The following ABCD2 variants were observed in gnomAD, a reference collection of about 807,000 sequenced individuals.
The protein encoded by ABCD2 is ATP-binding cassette sub-family D member 2.
ABCD2 carries 36 observed loss-of-function variants against 70.9 expected under a neutral mutation model. The ratio of observed to expected loss-of-function variants is 0.51; its 90% CI spans 0.39 to 0.67. ABCD2 has a LOEUF of 0.67. Ranked by LOEUF, ABCD2 falls within the 30% of genes least tolerant of loss-of-function variation. ABCD2 has a pLI of 0.00. For synonymous variants in ABCD2, 304 were observed against 306.9 expected (o/e 0.99, Z 0.10); for missense variants, 729 against 890.2 (o/e 0.82, Z 2.30).
At chr12:39,548,006 T>C (rs1490350509), downstream of ABCD2, among the ~76,000 whole-genome samples, 3 of 152,056 alleles carry the variant, frequency 2.0e-5, no homozygotes, top group East Asian at 3.9e-4. Context: ...AACTTTGCCA[T>C]TGTGTGGAAG....
the ABCD2 span, among the ~76,000 whole-genome samples, chr12:39,542,159 TAAAG>T: frequency 6.6e-6 from 1 of 152,116 alleles, no homozygotes; most frequent in African/African-American, 2.4e-5. Flanking sequence ...TTTAAAATAT[TAAAG>T]AAATTTTAAA....
intron 9 of ABCD2, among the ~76,000 whole-genome samples, chr12:39,562,890 T>C (rs1366647508): frequency 6.6e-6 from 1 of 152,152 alleles, no homozygotes; most frequent in Non-Finnish European, 1.5e-5. Flanking sequence ...ATATCCCTGA[T>C]GAACATAGGT....
intron 2 of ABCD2, among the ~76,000 whole-genome samples, chr12:39,612,144 A>G (rs1215105700): frequency 6.6e-6 from 1 of 152,182 alleles, no homozygotes; most frequent in African/African-American, 2.4e-5. Context: ...AAATTGAAAG[A>G]ACTTTTTTTG....
intron 9 of ABCD2, among the ~76,000 whole-genome samples, chr12:39,559,703 C>T (rs1941225224): frequency 6.6e-6 from 1 of 151,964 alleles, no homozygotes; most frequent in Non-Finnish European, 1.5e-5. Context: ...CCTCACAGGC[C>T]AGGAGAGAAT....
In ABCD2 at chr12:39,571,211, C is replaced by T. The variant is rs116885195; in HGVS notation, c.2003+2505G>A. On this transcript the variant is annotated intron_variant, in intron 9 of 9. Transcript: ENST00000308666. The stretch of plus-strand genomic sequence containing the variant: ...GAACTACAAAATGATCCAGCAATCC[C>T]CCACTGGGAATATATGCAAAGGAAA... Among the ~76,000 whole-genome samples, 3 of 152,234 alleles carry T rather than the reference C, an allele frequency of 2.0e-5. No homozygotes were observed. The East Asian group carries it at 5.8e-4, about 29-fold the overall frequency.
rs761513826 is a variant in ABCD2 at position 39,573,679 on chromosome 12, A to G, written c.2003+37T>C. The G allele has an allele frequency of 1.9e-6, 3 of 1,581,884 alleles. No individual in the cohort carries two copies. The African/African-American group carries it at 4.1e-5, about 21-fold the overall frequency. On this transcript the variant is annotated intron_variant, in intron 9 of 9. Coordinates refer to ENST00000308666, the MANE Select transcript of ABCD2 (RefSeq NM_005164.4). Reference sequence around the variant, plus strand: ...GTTATTTTTTGAGAAATTTAAGGAAAAACCATCTACCACAAATTAGCACTA... The same window carrying G: ...GTTATTTTTTGAGAAATTTAAGGAAGAACCATCTACCACAAATTAGCACTA...
intron 6 of ABCD2, among the ~76,000 whole-genome samples, chr12:39,596,724 A>G (rs1317738773): frequency 6.6e-6 from 1 of 152,148 alleles, no homozygotes; most frequent in African/African-American, 2.4e-5. Context: ...TACGATTAAA[A>G]TTTCTTTTTC....
At chr12:39,544,977 T>G in the ABCD2 span, among the ~76,000 whole-genome samples, 3 of 152,328 alleles carry the variant, frequency 2.0e-5, no homozygotes, top group Admixed American at 6.5e-5. Context: ...AAGCATTAGT[T>G]TGGGGACTTC....
intron 7 of ABCD2, among the ~76,000 whole-genome samples, chr12:39,585,187 T>A (rs945451156): frequency 3.9e-5 from 6 of 152,210 alleles, no homozygotes; most frequent in Non-Finnish European, 8.8e-5. Context: ...CTTCTCTGAT[T>A]TCTTTGAGCA....
chr12:39,539,954 A>G, the ABCD2 span: 1 of 152,420 alleles, frequency 6.6e-6, no homozygotes, highest in African/African-American at 2.4e-5. Flanking sequence ...GATTAAGTGG[A>G]AGAGTGATGA....
At chr12:39,539,759 G>C in the ABCD2 span, 3 of 156,066 alleles carry the variant, frequency 1.9e-5, no homozygotes, top group Non-Finnish European at 4.3e-5. Flanking sequence ...TTAAACTCAA[G>C]GTCAATGTAG....
chr12:39,605,050 G>GAT (rs1484728293), intron 3 of ABCD2, 120 bp from the exon 4 acceptor site: 1 of 702,622 alleles, frequency 1.4e-6, no homozygotes, highest in African/African-American at 1.8e-5. Context: ...TTATACATGA[G>GAT]ATATATATAA....
chr12:39,614,023 A>G (rs1228732454), intron 2 of ABCD2, among the ~76,000 whole-genome samples: 4 of 152,338 alleles, frequency 2.6e-5, no homozygotes, highest in Non-Finnish European at 5.9e-5. Context: ...TGATCATGTT[A>G]GCAAACATCT....
chr12:39,589,623 G>A (rs145800766), intron 6 of ABCD2, among the ~76,000 whole-genome samples: 5,788 of 151,998 alleles, frequency 0.038, 132 homozygotes, highest in African/African-American at 0.062. Flanking sequence ...TCCTGACCTC[G>A]TGTTCCGCCC....
chr12:39,534,747 G>GGAAAGAAAGAAAGAGAAAGA, the ABCD2 span, among the ~76,000 whole-genome samples: 1 of 84,892 alleles, frequency 1.2e-5, no homozygotes, highest in South Asian at 5.2e-4. Context: ...AAGGAAGGAA[G>GGAAAGAAAGAAAGAGAAAGA]GAAAGAAAGA....
intron 7 of ABCD2, among the ~76,000 whole-genome samples, chr12:39,582,290 C>T (rs763569641): frequency 3.3e-5 from 5 of 152,056 alleles, no homozygotes; most frequent in Non-Finnish European, 7.4e-5. Flanking sequence ...GAATCCCTGT[C>T]CCACAACTTG....
chr12:39,607,550 T>C, intron 3 of ABCD2, 49 bp downstream of exon 3: 1 of 1,455,828 alleles, frequency 6.9e-7, no homozygotes, highest in Non-Finnish European at 9.5e-7. Context: ...TTTTGCTTGA[T>C]TTTCATAAAT....
At chr12:39,565,032 C>A (rs1305806884) in intron 9 of ABCD2, among the ~76,000 whole-genome samples, 1 of 152,116 alleles carries the variant, frequency 6.6e-6, no homozygotes, top group African/African-American at 2.4e-5. Flanking sequence ...TTTACTGTAG[C>A]CTTGTAGTAT....
At chr12:39,584,699 G>T (rs958393191) in intron 7 of ABCD2, among the ~76,000 whole-genome samples, 2 of 152,106 alleles carry the variant, frequency 1.3e-5, no homozygotes, top group Non-Finnish European at 2.9e-5. Flanking sequence ...TTTGTATATG[G>T]TATAAAGAAG....
Sources: allele counts gnomAD v4.1 joint callset (sites outside exome capture counted in the v4.1 genomes callset), GRCh38; gene constraint gnomAD v4.1.1; transcripts MANE v1.5; gene names NCBI Gene and HGNC (gene_info 2026-07-23, HGNC 2026-07-21).